CLASP1: variants seen among roughly 807,000 people sequenced by gnomAD.
CLASP1 encodes CLIP-associating protein 1.
Under a neutral mutation model 192.3 loss-of-function variants are expected in CLASP1, and 38 were observed. The ratio of observed to expected loss-of-function variants is 0.20; its 90% CI spans 0.15 to 0.26. The LOEUF (loss-of-function observed/expected upper bound fraction) is 0.26. CLASP1 is among the 10% of genes least tolerant of loss of function. The probability of loss-of-function intolerance (pLI) is 1.00; values close to 1 mark genes in which losing one functional copy is unlikely to be tolerated. For missense variants in CLASP1, 1,433 were observed against 1,932.5 expected (o/e 0.74, Z 4.85); for synonymous variants, 691 against 712.8 (o/e 0.97, Z 0.49).
In CLASP1 at chr2:121,517,858, C is replaced by CTTTTTTTTTTTTTTTT. The variant is rs70954553; in HGVS notation, c.547-2112_547-2097dup. ...CCTCAGAGACAAAGCAAGACTCAAG[C>CTTTTTTTTTTTTTTTT]TTTTTTTTTTTTTTTTTTTTTTTTT... On this transcript the variant is annotated intron_variant, in intron 6 of 39. Coordinates refer to ENST00000263710, the Ensembl canonical transcript of CLASP1. Among the ~76,000 whole-genome samples, 5 of 30,820 alleles carry CTTTTTTTTTTTTTTTT rather than the reference C, an allele frequency of 1.6e-4. 1 individual carries two copies. The highest frequency in any genetic ancestry group is 7.2e-4 in the African/African-American group (5 of 6,910). 20.2% of individuals were successfully genotyped at this position (30,820 alleles called of 152,430 possible). A position where few individuals can be genotyped will look rare whatever the true frequency, so the allele number is the denominator to read the frequency against.
At chr2:121,355,252 G>A (rs992050364) in intron 37 of CLASP1, among the ~76,000 whole-genome samples, 18 of 151,994 alleles carry the variant, frequency 1.2e-4, no homozygotes, top group African/African-American at 3.1e-4. Context: ...CTCAGCCTCC[G>A]AGTAGCTGGG....
chr2:121,625,371 T>C (rs559624777), intron 1 of CLASP1, among the ~76,000 whole-genome samples: 3 of 151,044 alleles, frequency 2.0e-5, no homozygotes, highest in Admixed American at 2.0e-4. Flanking sequence ...TGAAATCCAC[T>C]AAAAAGCTAA....
exon 40 of CLASP1, chr2:121,340,177 C>T (rs1192936720): frequency 6.6e-6 from 1 of 152,140 alleles, no homozygotes; most frequent in African/African-American, 2.4e-5. Context: ...GGGTAGGGAC[C>T]TTGTCGGTGG....
chr2:121,538,652 AGTGGGCACCT>A (rs1200009994), intron 2 of CLASP1, among the ~76,000 whole-genome samples: 1 of 150,764 alleles, frequency 6.6e-6, no homozygotes, highest in African/African-American at 2.4e-5. Flanking sequence ...CAGGCATGGC[AGTGGGCACCT>A]GTAATCCCAG....
intron 19 of CLASP1, chr2:121,445,298 C>T: frequency 2.6e-6 from 1 of 379,520 alleles, no homozygotes; most frequent in Non-Finnish European, 5.0e-6. Context: ...GAAGAAAGTA[C>T]CAGCAGAACA....
At chr2:121,578,036 G>A (rs530739688) in intron 2 of CLASP1, among the ~76,000 whole-genome samples, 6 of 152,196 alleles carry the variant, frequency 3.9e-5, no homozygotes, top group East Asian at 1.9e-4. Context: ...GGGCTCAAGC[G>A]ATCCTCCCAC....
chr2:121,598,149 G>T (rs1004705645), intron 2 of CLASP1, among the ~76,000 whole-genome samples: 1 of 152,158 alleles, frequency 6.6e-6, no homozygotes, highest in African/African-American at 2.4e-5. Flanking sequence ...TGACAACAGG[G>T]AACCTTCACA....
intron 8 of CLASP1, among the ~76,000 whole-genome samples, chr2:121,488,681 C>A (rs777766077): frequency 2.4e-4 from 36 of 152,328 alleles, no homozygotes; most frequent in African/African-American, 8.2e-4. Flanking sequence ...AAACAAAAAA[C>A]GCAGGAAAGT....
intron 21 of CLASP1, among the ~76,000 whole-genome samples, chr2:121,427,116 T>A (rs1376048307): frequency 6.6e-6 from 1 of 152,080 alleles, no homozygotes; most frequent in African/African-American, 2.4e-5. Context: ...TAGTTTATAA[T>A]GATTTAACTA....
chr2:121,439,940 G>C (rs1222931039), intron 19 of CLASP1, among the ~76,000 whole-genome samples: 1 of 114,416 alleles, frequency 8.7e-6, no homozygotes, highest in African/African-American at 3.3e-5. Context: ...TCGTGGGGTG[G>C]GGGGAGGGGG....
intron 34 of CLASP1, among the ~76,000 whole-genome samples, chr2:121,377,051 C>T (rs1262936581): frequency 6.6e-6 from 1 of 152,188 alleles, no homozygotes; most frequent in African/African-American, 2.4e-5. Flanking sequence ...CTTGAATCAT[C>T]CCCAAACCAT....
chr2:121,530,606 C>T lies in CLASP1; in HGVS notation c.196-281G>A, dbSNP rs1284278453. 5.7e-6 allele frequency: 3 copies of T among 529,662 alleles called. No homozygotes were observed. In the East Asian group the frequency reaches 8.7e-5, roughly 15 times the overall value. The allele number at this position is 529,662 out of a possible 1,614,324, so 32.8% of individuals were successfully genotyped here. Reference sequence around the variant, plus strand: ...TAGCTGCGGGTGGAGTTCAAGAGCGCGCCGCGGTCCCGCCCCCGCCAGCCC... The same window carrying T: ...TAGCTGCGGGTGGAGTTCAAGAGCGTGCCGCGGTCCCGCCCCCGCCAGCCC... On this transcript the variant is annotated intron_variant, in intron 2 of 39. Transcript: ENST00000263710.
intron 1 of CLASP1, among the ~76,000 whole-genome samples, chr2:121,646,405 G>A (rs993934913): frequency 2.0e-5 from 3 of 152,074 alleles, no homozygotes; most frequent in African/African-American, 4.8e-5. Flanking sequence ...ACTGCACCCA[G>A]CCTCTTCTCT....
chr2:121,504,752 C>G (rs954919080), intron 7 of CLASP1, among the ~76,000 whole-genome samples: 1 of 152,198 alleles, frequency 6.6e-6, no homozygotes. Flanking sequence ...ACTGCCTCCC[C>G]CCATTCCATA....
chr2:121,553,075 C>T (rs2058192159), intron 2 of CLASP1, among the ~76,000 whole-genome samples: 1 of 152,174 alleles, frequency 6.6e-6, no homozygotes, highest in African/African-American at 2.4e-5. Context: ...TTATCCTTAG[C>T]AAACTAATGC....
At chr2:121,478,665 C>A (rs545519350) in intron 8 of CLASP1, among the ~76,000 whole-genome samples, 23,143 of 95,378 alleles carry the variant, frequency 0.24, 4,413 homozygotes, top group African/African-American at 0.55. Context: ...CACACACCCC[C>A]CACACACACC....
chr2:121,377,594 G>A (rs370401387), exon 34 of CLASP1: 31 of 1,593,926 alleles, frequency 1.9e-5, no homozygotes, highest in Middle Eastern at 1.7e-4. Flanking sequence ...GTAACTCCAC[G>A]TAGAGAACTA....
At chr2:121,450,875 G>C (rs761972169) in intron 16 of CLASP1, 38 bp downstream of exon 16, 74 of 1,344,836 alleles carry the variant, frequency 5.5e-5, no homozygotes. Context: ...AAATATAGAA[G>C]AAGTTAATTT....
intron 8 of CLASP1, among the ~76,000 whole-genome samples, chr2:121,484,722 G>A (rs942831934): frequency 4.6e-5 from 7 of 152,212 alleles, no homozygotes; most frequent in Admixed American, 1.3e-4. Context: ...GAGAATGAGA[G>A]AGAACAGATT....
Sources: allele counts gnomAD v4.1 joint callset (sites outside exome capture counted in the v4.1 genomes callset), GRCh38; gene constraint gnomAD v4.1.1; transcripts MANE v1.5; gene names NCBI Gene and HGNC (gene_info 2026-07-23, HGNC 2026-07-21).